The following INPP5D variants were observed in gnomAD, a reference collection of about 807,000 sequenced individuals.
INPP5D encodes phosphatidylinositol 3,4,5-trisphosphate 5-phosphatase 1.
Under a neutral mutation model 122.9 loss-of-function variants are expected in INPP5D, and 33 were observed. That is an observed-to-expected ratio of 0.27 (90% CI 0.20 to 0.36). The LOEUF (loss-of-function observed/expected upper bound fraction) is 0.36, where lower values mean the gene tolerates loss of function less well. Among genes scored for constraint, INPP5D ranks in the 10% least tolerant of loss-of-function variants. The pLI is 1.00. For missense variants in INPP5D, 1,053 were observed against 1,412.7 expected (o/e 0.75, Z 4.08); for synonymous variants, 584 against 576.2 (o/e 1.01, Z -0.19).
chr2:233,067,081 G>A (rs1574698880), intron 1 of INPP5D, among the ~76,000 whole-genome samples: 1 of 152,270 alleles, frequency 6.6e-6, no homozygotes, highest in African/African-American at 2.4e-5. Flanking sequence ...CCTGGCCCTG[G>A]TATACAATTC....
intron 6 of INPP5D, among the ~76,000 whole-genome samples, chr2:233,144,698 TAGTAGTGATGGTGATGGTGGAGGTGGG>T (rs1693711782): frequency 8.8e-6 from 1 of 114,014 alleles, no homozygotes; most frequent in African/African-American, 2.9e-5. Context: ...GTGGAGGTGG[TAGTAGTGATGGTGATGGTGGAGGTGGG>T]CATGATCATG....
At chr2:233,110,970 A>C (rs539792946) in intron 2 of INPP5D, among the ~76,000 whole-genome samples, 124 of 152,108 alleles carry the variant, frequency 8.2e-4, no homozygotes, top group Non-Finnish European at 8.7e-4. Context: ...TTCGACAGTT[A>C]TTTTAAAAAA....
chr2:233,152,539 G>A (rs1693948082), intron 9 of INPP5D, among the ~76,000 whole-genome samples: 1 of 152,222 alleles, frequency 6.6e-6, no homozygotes, highest in Non-Finnish European at 1.5e-5. Flanking sequence ...AACCAGGAAT[G>A]TGTCAGGGAA....
At chr2:233,118,425 G>T (rs1301235652) in intron 2 of INPP5D, among the ~76,000 whole-genome samples, 1 of 152,128 alleles carries the variant, frequency 6.6e-6, no homozygotes, top group African/African-American at 2.4e-5. Flanking sequence ...TGTCTGGGCC[G>T]GCTCTGTAGC....
At chr2:233,195,871 T>C (rs971472468) in intron 24 of INPP5D, among the ~76,000 whole-genome samples, 6 of 152,206 alleles carry the variant, frequency 3.9e-5, no homozygotes, top group African/African-American at 1.2e-4. Context: ...TCTGGAGGGC[T>C]GAGGCACAAG....
At chr2:233,107,711 T>C (rs549941447) in intron 2 of INPP5D, among the ~76,000 whole-genome samples, 1 of 152,122 alleles carries the variant, frequency 6.6e-6, no homozygotes, top group Admixed American at 6.5e-5. Context: ...AGCAAGGGCC[T>C]GGGGGAGGGG....
chr2:233,181,439 C>G (rs2106312930), intron 18 of INPP5D, among the ~76,000 whole-genome samples: 1 of 152,290 alleles, frequency 6.6e-6, no homozygotes, highest in East Asian at 1.9e-4. Flanking sequence ...CTCTTCTCAT[C>G]CTTCGTGTGA....
At chr2:233,091,631 C>T (rs1434440242) in intron 2 of INPP5D, among the ~76,000 whole-genome samples, 3 of 152,192 alleles carry the variant, frequency 2.0e-5, no homozygotes, top group South Asian at 2.1e-4. Flanking sequence ...GACTCTTGAA[C>T]GTAGATTGGG....
At chr2:233,134,153 G>A in intron 5 of INPP5D, 2 of 393,686 alleles carry the variant, frequency 5.1e-6, no homozygotes, top group South Asian at 3.7e-5. Context: ...GAAAGTCAAG[G>A]AGGAGGAGGA....
Position 233,188,736 on chromosome 2 carries a change from AT to A in INPP5D, c.2359-1108del, listed in dbSNP as rs750206950. ...CCCATCAAGCCTCGCTAATTTCTGT[AT>A]TTTTTAGTAGAGACGGGGTTTCACC... is the stretch of plus-strand genomic sequence containing the variant. On this transcript the variant is annotated intron_variant, in intron 21 of 26. Coordinates refer to ENST00000445964, the MANE Select transcript of INPP5D (RefSeq NM_001017915.3). The surrounding 1 kb of genome is among the most constrained non-coding windows in gnomAD (Gnocchi z 4.7). 1.1e-3 allele frequency among the ~76,000 whole-genome samples: 161 copies of A among 151,976 alleles called. No homozygotes were observed. The highest frequency in any genetic ancestry group is 1.7e-3 in the Non-Finnish European group (117 of 67,974).
chr2:233,171,267 A>C lies in INPP5D; in HGVS notation c.1989+115A>C, dbSNP rs905780521. On this transcript the variant is annotated intron_variant, in intron 17 of 26. Coordinates refer to ENST00000445964, the MANE Select transcript of INPP5D (RefSeq NM_001017915.3). ...CATTAGGCAAAAAAAAAAGGAAAGAAAAAAATTAGAAAGCACATGTTGATT... is the reference window on the plus strand; with the variant it reads ...CATTAGGCAAAAAAAAAAGGAAAGACAAAAATTAGAAAGCACATGTTGATT... 4 of 1,446,900 alleles carry C rather than the reference A, an allele frequency of 2.8e-6. No homozygotes were observed. In the African/African-American group the frequency reaches 5.8e-5, roughly 21 times the overall value. 89.6% of individuals were successfully genotyped at this position (1,446,900 alleles called of 1,614,324 possible). A position where few individuals can be genotyped will look rare whatever the true frequency, so the allele number is the denominator to read the frequency against.
At chr2:233,081,467 C>T (rs1255870018) in intron 2 of INPP5D, among the ~76,000 whole-genome samples, 1 of 152,218 alleles carries the variant, frequency 6.6e-6, no homozygotes, top group African/African-American at 2.4e-5. Flanking sequence ...CTGGAAAAGA[C>T]ATGACTCTGT....
At chr2:233,099,792 G>T (rs548435065) in intron 2 of INPP5D, among the ~76,000 whole-genome samples, 1 of 152,150 alleles carries the variant, frequency 6.6e-6, no homozygotes, top group East Asian at 1.9e-4. Context: ...GGGGTGGGGC[G>T]TGTATTAGTC....
chr2:233,163,529 C>G (rs887787035), intron 11 of INPP5D, among the ~76,000 whole-genome samples, 178 bp from the exon 12 acceptor site: 1 of 152,164 alleles, frequency 6.6e-6, no homozygotes, highest in African/African-American at 2.4e-5. Context: ...TAGCCCTAAC[C>G]GACATCCTGG....
chr2:233,195,369 A>G, intron 23 of INPP5D, 30 bp from the exon 24 acceptor site: 1 of 1,613,538 alleles, frequency 6.2e-7, no homozygotes, highest in Non-Finnish European at 8.5e-7. Context: ...CTGGGCCCTC[A>G]CATGCTCTTT....
intron 9 of INPP5D, among the ~76,000 whole-genome samples, chr2:233,153,387 G>A (rs2106285759): frequency 6.6e-6 from 1 of 152,340 alleles, no homozygotes; most frequent in East Asian, 1.9e-4. Context: ...TCAAAGTGAT[G>A]GTTAAATGCA....
rs568830232 is a variant in INPP5D, at chr2:233,075,617, G to A, written c.135-3718G>A. Among the ~76,000 whole-genome samples the A allele has an allele frequency of 9.2e-5, 14 of 152,152 alleles. No individual in the cohort carries two copies. The East Asian group carries it at 1.5e-3, about 17-fold the overall frequency. ...CATGTATATGTGTGTGTGTGTGTGT[G>A]TATATAGGACCAGAGTGAAGTACAA... is the stretch of plus-strand genomic sequence containing the variant. On this transcript the variant is annotated intron_variant, in intron 1 of 26. Coordinates refer to ENST00000445964, the MANE Select transcript of INPP5D (RefSeq NM_001017915.3).
intron 25 of INPP5D, among the ~76,000 whole-genome samples, chr2:233,199,633 T>C (rs1376159586): frequency 6.6e-6 from 1 of 151,818 alleles, no homozygotes; most frequent in Non-Finnish European, 1.5e-5. Flanking sequence ...ATCAAGACCA[T>C]CCTGGCTAAC....
chr2:233,164,274 G>A lies in INPP5D; in HGVS notation c.1438-33G>A. 2 of 1,530,442 alleles carry A rather than the reference G, an allele frequency of 1.3e-6. No homozygotes were observed. The highest frequency in any genetic ancestry group is 8.8e-7 in the Non-Finnish European group (1 of 1,135,480). The allele number at this position is 1,530,442 out of a possible 1,614,324, so 94.8% of individuals were successfully genotyped here. A position where few individuals can be genotyped will look rare whatever the true frequency, so the allele number is the denominator to read the frequency against. On this transcript the variant is annotated intron_variant, in intron 12 of 26. Coordinates refer to ENST00000445964, the MANE Select transcript of INPP5D (RefSeq NM_001017915.3). This position sits in a 1 kb window ranked among gnomAD's most constrained non-coding sequence, Gnocchi z 4.3. ...GTGCCCTGGTTCACACCCTACACTT[G>A]GGCCGAGTATTGCAACGTTGTCCTC... is the stretch of plus-strand genomic sequence containing the variant.
Sources: gnomAD v4.1 joint callset for allele counts (sites outside exome capture counted in the v4.1 genomes callset) on GRCh38, gnomAD v4.1.1 for gene constraint, Gnocchi (gnomAD v3.1) non-coding constraint, MANE v1.5 for transcripts, NCBI Gene and HGNC (gene_info 2026-07-23, HGNC 2026-07-21) for gene names.